The following STK32B variants were observed in gnomAD, a reference collection of about 807,000 sequenced individuals.
The protein encoded by STK32B is serine/threonine kinase 32B, also known as serine/threonine-protein kinase 32B.
A neutral mutation model predicts 52.6 loss-of-function variants in STK32B; 43 were observed. The ratio of observed to expected loss-of-function variants is 0.82; its 90% confidence interval spans 0.64 to 1.05. STK32B has a LOEUF of 1.05. Among genes scored for constraint, STK32B ranks in the 50% least tolerant of loss-of-function variants. The pLI, the probability that STK32B is intolerant of heterozygous loss-of-function variation, is 0.00. For missense variants in STK32B, 621 were observed against 534.6 expected (o/e 1.16, Z -1.59); for synonymous variants, 238 against 204.3 (o/e 1.17, Z -1.41).
intron 2 of STK32B, among the ~76,000 whole-genome samples, chr4:5,146,329 C>A (rs866957377): frequency 6.6e-6 from 1 of 152,028 alleles, no homozygotes; most frequent in African/African-American, 2.4e-5. Context: ...AGTCTGTGAC[C>A]GAAAGCCTGA....
At chr4:5,322,126 G>A (rs1222643748) in intron 3 of STK32B, among the ~76,000 whole-genome samples, 2 of 151,982 alleles carry the variant, frequency 1.3e-5, no homozygotes, top group Admixed American at 1.3e-4. Flanking sequence ...TTGAGGACAG[G>A]AGTTCAAGAC....
intron 3 of STK32B, among the ~76,000 whole-genome samples, chr4:5,242,298 G>A (rs184456549): frequency 0.012 from 1,849 of 152,256 alleles, 33 homozygotes; most frequent in African/African-American, 0.041. Context: ...ATCTCATTGT[G>A]GTTTTGATTT....
At chr4:5,402,715 A>G (rs1737384796) in intron 5 of STK32B, among the ~76,000 whole-genome samples, 1 of 152,214 alleles carries the variant, frequency 6.6e-6, no homozygotes, top group Non-Finnish European at 1.5e-5. Context: ...TACAGTTCCC[A>G]GGTGGATCTA....
chr4:5,467,548 G>T lies in STK32B; in HGVS notation c.1042-458G>T, dbSNP rs1000318750. Reference sequence around the variant, plus strand: ...TCTTAACTGGATTACATCTGTAAAGGTTCTATTTCCAAATAACGTCATGTT... The same window carrying T: ...TCTTAACTGGATTACATCTGTAAAGTTTCTATTTCCAAATAACGTCATGTT... On this transcript the variant is annotated intron_variant, in intron 10 of 11. Coordinates refer to ENST00000282908, the MANE Select transcript of STK32B (RefSeq NM_018401.3). This position sits in a 1 kb window ranked among gnomAD's most constrained non-coding sequence, Gnocchi z 5.8. Among the ~76,000 whole-genome samples, 1 of 152,078 alleles carries T rather than the reference G, an allele frequency of 6.6e-6. No individual in the cohort carries two copies. Among genetic ancestry groups the T allele is most frequent in the African/African-American group, 2.4e-5 (1 of 41,382 alleles).
chr4:5,086,145 C>A (rs1441616307), intron 1 of STK32B, among the ~76,000 whole-genome samples: 1 of 152,146 alleles, frequency 6.6e-6, no homozygotes, highest in Non-Finnish European at 1.5e-5. Flanking sequence ...AAGCTTCTGT[C>A]TATTTCTGGG....
intron 7 of STK32B, among the ~76,000 whole-genome samples, chr4:5,447,992 G>A (rs1359565159): frequency 6.6e-6 from 1 of 152,226 alleles, no homozygotes; most frequent in African/African-American, 2.4e-5. Context: ...TTGAGGGCAT[G>A]ATGGTGTCTT....
intron 3 of STK32B, among the ~76,000 whole-genome samples, chr4:5,204,848 C>T (rs1722444275): frequency 6.6e-6 from 1 of 152,198 alleles, no homozygotes; most frequent in African/African-American, 2.4e-5. Flanking sequence ...GAGGGGCTCT[C>T]AGGGCTCCTG....
At chr4:5,358,790 C>T (rs1469481896) in intron 4 of STK32B, among the ~76,000 whole-genome samples, 1 of 152,026 alleles carries the variant, frequency 6.6e-6, no homozygotes, top group Non-Finnish European at 1.5e-5. Flanking sequence ...CTCCCTTTCC[C>T]CATCTTGAAA....
At chr4:5,136,465 A>G (rs1323888168) in intron 1 of STK32B, among the ~76,000 whole-genome samples, 1 of 152,200 alleles carries the variant, frequency 6.6e-6, no homozygotes, top group Non-Finnish European at 1.5e-5. Flanking sequence ...TAGCCCAAGC[A>G]GTGCTTGTGG....
chr4:5,216,035 T>G (rs991570716), intron 3 of STK32B, among the ~76,000 whole-genome samples: 1 of 152,206 alleles, frequency 6.6e-6, no homozygotes, highest in African/African-American at 2.4e-5. Flanking sequence ...CTTTTTGTGG[T>G]TGCAGAGTGA....
intron 1 of STK32B, among the ~76,000 whole-genome samples, chr4:5,129,535 T>C (rs1041718169): frequency 2.6e-5 from 4 of 152,238 alleles, no homozygotes; most frequent in Admixed American, 1.3e-4. Context: ...CAAAACTTAT[T>C]TGGCAGAACA....
At chr4:5,448,675 A>G (rs532045879) in intron 7 of STK32B, among the ~76,000 whole-genome samples, 11 of 152,112 alleles carry the variant, frequency 7.2e-5, no homozygotes, top group East Asian at 1.9e-4. Context: ...TCCAGATGCT[A>G]TTTTCAAGGA....
intron 1 of STK32B, among the ~76,000 whole-genome samples, chr4:5,073,419 C>T (rs574136817): frequency 6.6e-6 from 1 of 151,976 alleles, no homozygotes; most frequent in South Asian, 2.1e-4. Flanking sequence ...ATTCCATTTT[C>T]CCATTTGTTT....
At chr4:5,209,396 G>C (rs1326193783) in intron 3 of STK32B, among the ~76,000 whole-genome samples, 7 of 152,026 alleles carry the variant, frequency 4.6e-5, no homozygotes, top group Admixed American at 2.0e-4. Flanking sequence ...TAATTTTTTT[G>C]TATTTTTTGT....
In STK32B at chr4:5,166,844, C is replaced by G. The variant is rs888588669; in HGVS notation, c.109-1455C>G. Among the ~76,000 whole-genome samples, 20 of 152,160 alleles carry G rather than the reference C, an allele frequency of 1.3e-4. 1 individual carries two copies. The highest frequency in any genetic ancestry group is 4.3e-4 in the African/African-American group (18 of 41,450). On this transcript the variant is annotated intron_variant, in intron 2 of 11. Transcript: ENST00000282908. ...TGTTGGGAAGATTAGCCCATACAAT[C>G]CTTGCTAACCGTCCAAGGAACCAAT...
chr4:5,312,394 G>A (rs368543599), intron 3 of STK32B, among the ~76,000 whole-genome samples: 3 of 150,958 alleles, frequency 2.0e-5, no homozygotes, highest in Non-Finnish European at 4.4e-5. Flanking sequence ...CCATTAACTC[G>A]TCATTTAGCA....
At chr4:5,196,396 C>T (rs779114620) in intron 3 of STK32B, among the ~76,000 whole-genome samples, 6 of 116,974 alleles carry the variant, frequency 5.1e-5, no homozygotes, top group African/African-American at 1.4e-4. Context: ...TTGTTCTGAA[C>T]GTATGTAAAA....
chr4:5,273,761 A>G (rs867669735), intron 3 of STK32B, among the ~76,000 whole-genome samples: 9 of 139,468 alleles, frequency 6.5e-5, no homozygotes, highest in Non-Finnish European at 9.2e-5. Context: ...CAAACACCAC[A>G]TATTCTCACT....
At chr4:5,356,379 A>G (rs145588479) in intron 4 of STK32B, among the ~76,000 whole-genome samples, 1 of 152,288 alleles carries the variant, frequency 6.6e-6, no homozygotes, top group African/African-American at 2.4e-5. Context: ...ACATCTTCAA[A>G]TACGCTATGT....
Sources: gnomAD v4.1 joint callset for allele counts (sites outside exome capture counted in the v4.1 genomes callset) on GRCh38, gnomAD v4.1.1 for gene constraint, Gnocchi (gnomAD v3.1) non-coding constraint, MANE v1.5 for transcripts, NCBI Gene and HGNC (gene_info 2026-07-23, HGNC 2026-07-21) for gene names.